The following CNNM2 variants were observed in gnomAD, a reference collection of about 807,000 sequenced individuals.
CNNM2 encodes cyclin and CBS domain divalent metal cation transport mediator 2.
CNNM2 carries 12 observed loss-of-function variants against 66.9 expected under a neutral mutation model. That is an observed-to-expected ratio of 0.18 (90% CI 0.11 to 0.29). The LOEUF (loss-of-function observed/expected upper bound fraction) is 0.29, where lower values mean the gene tolerates loss of function less well. Ranked by LOEUF, CNNM2 falls within the 10% of genes least tolerant of loss-of-function variation. The pLI, the probability that CNNM2 is intolerant of heterozygous loss-of-function variation, is 1.00. For synonymous variants in CNNM2, 557 were observed against 501.8 expected, an observed-to-expected ratio of 1.11 and a Z score of -1.47; for missense variants, 705 against 1,167.7, an observed-to-expected ratio of 0.60 and a Z score of 5.77.
At chr10:102,976,632 T>TTTTTTTTTTTTTTA (rs1564828276) in intron 1 of CNNM2, among the ~76,000 whole-genome samples, 1 of 132,360 alleles carries the variant, frequency 7.6e-6, no homozygotes, top group African/African-American at 2.8e-5. Context: ...TTTTTTTTTT[T>TTTTTTTTTTTTTTA]TTTTTTTGTA....
At chr10:103,053,041 A>G (rs776566235) in intron 2 of CNNM2, among the ~76,000 whole-genome samples, 2 of 152,182 alleles carry the variant, frequency 1.3e-5, no homozygotes, top group Non-Finnish European at 1.5e-5. Flanking sequence ...GGAGCAAGCA[A>G]TTGGGGTCTT....
At chr10:103,059,848 A>C (rs2065354942) in intron 4 of CNNM2, among the ~76,000 whole-genome samples, 2 of 152,250 alleles carry the variant, frequency 1.3e-5, no homozygotes, top group South Asian at 4.1e-4. Context: ...TACTTTCGAA[A>C]AAGCTTATGT....
chr10:102,989,902 A>G (rs899604901), intron 1 of CNNM2, among the ~76,000 whole-genome samples: 4 of 152,080 alleles, frequency 2.6e-5, no homozygotes, highest in African/African-American at 9.7e-5. Flanking sequence ...TACAAAAGGT[A>G]TAATATAATA....
At chr10:102,992,441 T>G (rs961696700) in intron 1 of CNNM2, among the ~76,000 whole-genome samples, 2 of 152,010 alleles carry the variant, frequency 1.3e-5, no homozygotes, top group African/African-American at 4.8e-5. Context: ...GCCCTGCTAA[T>G]TTTTGTATTT....
At chr10:102,923,069 C>A (rs988363804) in intron 1 of CNNM2, among the ~76,000 whole-genome samples, 6 of 151,576 alleles carry the variant, frequency 4.0e-5, no homozygotes, top group Non-Finnish European at 7.4e-5. Flanking sequence ...ATAGAATGTT[C>A]TGAATGTGGG....
In CNNM2 at chr10:102,978,072, G is replaced by A. The variant is rs12268928; in HGVS notation, c.1621+57971G>A. On this transcript the variant is annotated intron_variant, in intron 1 of 7. Coordinates refer to ENST00000369878, the MANE Select transcript of CNNM2 (RefSeq NM_017649.5). ...TTACAGGCATGCACCACCACGCCTG[G>A]CTAACTTTTTGTATTTTTAGTAGAG... 0.028 allele frequency among the ~76,000 whole-genome samples: 4,184 copies of A among 151,972 alleles called. 172 individuals are homozygous for A. Among genetic ancestry groups the A allele is most frequent in the African/African-American group, 0.089 (3,667 of 41,424 alleles).
At chr10:102,998,459 C>A (rs1416355046) in intron 1 of CNNM2, among the ~76,000 whole-genome samples, 1 of 152,148 alleles carries the variant, frequency 6.6e-6, no homozygotes, top group East Asian at 1.9e-4. Context: ...ACAGATCCTT[C>A]ACGTATATAT....
chr10:103,089,862 T>G lies in CNNM2; in HGVS notation c.*12682T>G. 1 of 1,613,878 alleles carries G rather than the reference T, an allele frequency of 6.2e-7. No individual in the cohort carries two copies. The highest frequency in any genetic ancestry group is 8.5e-7 in the Non-Finnish European group (1 of 1,179,886). On this transcript the variant is annotated 3_prime_UTR_variant, in exon 8 of 8. Coordinates refer to ENST00000369878, the MANE Select transcript of CNNM2 (RefSeq NM_017649.5). ...CCGGGTGGCAAGAGGAGACTCCATC[T>G]CATTGATATCTACGTGTGTGTGCTC...
At chr10:103,076,934 A>G (rs1423962195) in intron 7 of CNNM2, 37 bp from the exon 8 acceptor site, 2 of 1,578,488 alleles carry the variant, frequency 1.3e-6, no homozygotes, top group South Asian at 1.1e-5. Flanking sequence ...AATAAGCATT[A>G]TCTTGGTTTG....
In CNNM2 at chr10:103,089,465, A is replaced by G; in HGVS notation, c.*12285A>G. On this transcript the variant is annotated 3_prime_UTR_variant, in exon 8 of 8. Coordinates refer to ENST00000369878, the MANE Select transcript of CNNM2 (RefSeq NM_017649.5). ...CTTATTTTCTTCTAATACAGACTCC[A>G]TTACAATTTTGGACCATCTGCAGAG... 2 of 778,672 alleles carry G rather than the reference A, an allele frequency of 2.6e-6. No homozygotes were observed. Among genetic ancestry groups the G allele is most frequent in the Non-Finnish European group, 1.9e-6 (1 of 539,858 alleles). 48.2% of individuals were successfully genotyped at this position (778,672 alleles called of 1,614,324 possible). A position where few individuals can be genotyped will look rare whatever the true frequency, so the allele number is the denominator to read the frequency against.
chr10:102,957,747 A>G (rs1386426389), intron 1 of CNNM2, among the ~76,000 whole-genome samples: 1 of 152,150 alleles, frequency 6.6e-6, no homozygotes, highest in Non-Finnish European at 1.5e-5. Context: ...TTTAATTTTG[A>G]TGCAGTTTAA....
rs547272823 is a variant in CNNM2, at chr10:102,999,049, C to CA, written c.1622-50651dup. Among the ~76,000 whole-genome samples, 55 of 149,440 alleles carry CA rather than the reference C, an allele frequency of 3.7e-4. No homozygotes were observed. The South Asian group carries it at 0.011, about 31-fold the overall frequency. Reference sequence around the variant, plus strand: ...CCTCCCGAGTAGCTGGGATTACAGGCAAAAAAATCGCTTATATTTCTTTTT... The same window carrying CA: ...CCTCCCGAGTAGCTGGGATTACAGGCAAAAAAAATCGCTTATATTTCTTTTT... On this transcript the variant is annotated intron_variant, in intron 1 of 7. Coordinates refer to ENST00000369878, the MANE Select transcript of CNNM2 (RefSeq NM_017649.5).
intron 1 of CNNM2, among the ~76,000 whole-genome samples, chr10:103,045,420 A>G (rs994965312): frequency 1.2e-4 from 18 of 152,188 alleles, no homozygotes; most frequent in African/African-American, 4.1e-4. Flanking sequence ...TAGACTGCCA[A>G]GTTAAGAAAG....
chr10:103,078,296 C>T lies in CNNM2; in HGVS notation c.*1116C>T, dbSNP rs2065722262. Reference sequence around the variant, plus strand: ...TAAAGGAGGGAACTTTGGGGATTGCCAGCCCCTGCTCCTCCTCCCAGGGAG... The same window carrying T: ...TAAAGGAGGGAACTTTGGGGATTGCTAGCCCCTGCTCCTCCTCCCAGGGAG... On this transcript the variant is annotated 3_prime_UTR_variant, in exon 8 of 8. Coordinates refer to ENST00000369878, the MANE Select transcript of CNNM2 (RefSeq NM_017649.5). 1 of 152,284 alleles carries T rather than the reference C, an allele frequency of 6.6e-6. No individual in the cohort carries two copies. The highest frequency in any genetic ancestry group is 6.5e-5 in the Admixed American group (1 of 15,284). The allele number at this position is 152,284 out of a possible 1,614,324, so 9.4% of individuals were successfully genotyped here. A position where few individuals can be genotyped will look rare whatever the true frequency, so the allele number is the denominator to read the frequency against.
intron 1 of CNNM2, among the ~76,000 whole-genome samples, chr10:103,018,726 T>TG (rs1407091078): frequency 7.1e-6 from 1 of 141,276 alleles, no homozygotes; most frequent in Non-Finnish European, 1.5e-5. Flanking sequence ...GTCTCCCTCT[T>TG]GCACTCACTG....
chr10:103,084,790 T>C lies in CNNM2; in HGVS notation c.*7610T>C, dbSNP rs143770572. The C allele has an allele frequency of 1.7e-3, 260 of 152,256 alleles. No individual in the cohort carries two copies. Among genetic ancestry groups the C allele is most frequent in the African/African-American group, 5.1e-3 (210 of 41,550 alleles). The allele number at this position is 152,256 out of a possible 1,614,324, so 9.4% of individuals were successfully genotyped here. A position where few individuals can be genotyped will look rare whatever the true frequency, so the allele number is the denominator to read the frequency against. On this transcript the variant is annotated 3_prime_UTR_variant, in exon 8 of 8. Transcript: ENST00000369878. Reference sequence around the variant, plus strand: ...CTCGGCACTTCTGAGGAAACAAATATTGATCAGAGGGTCTTGTAGAGAAAG... The same window carrying C: ...CTCGGCACTTCTGAGGAAACAAATACTGATCAGAGGGTCTTGTAGAGAAAG...
At chr10:102,987,815 A>G (rs1200087392) in intron 1 of CNNM2, among the ~76,000 whole-genome samples, 1 of 152,164 alleles carries the variant, frequency 6.6e-6, no homozygotes, top group Non-Finnish European at 1.5e-5. Context: ...CAGTTGTGTG[A>G]AATGTGGGGC....
chr10:102,997,815 A>G (rs2064032532), intron 1 of CNNM2, among the ~76,000 whole-genome samples: 1 of 152,194 alleles, frequency 6.6e-6, no homozygotes, highest in African/African-American at 2.4e-5. Flanking sequence ...TAGATTTCTA[A>G]TATGATTTTA....
chr10:103,039,613 T>C (rs1246989409), intron 1 of CNNM2, among the ~76,000 whole-genome samples: 1 of 152,192 alleles, frequency 6.6e-6, no homozygotes, highest in Non-Finnish European at 1.5e-5. Context: ...GAGAAATGAC[T>C]TGTCTAAAAT....
Sources: gnomAD v4.1 joint callset for allele counts (sites outside exome capture counted in the v4.1 genomes callset) on GRCh38, gnomAD v4.1.1 for gene constraint, MANE v1.5 for transcripts, NCBI Gene and HGNC (gene_info 2026-07-23, HGNC 2026-07-21) for gene names.